Variants in SYNE1 observed in about 807,000 individuals in gnomAD.
SYNE1 encodes nesprin-1.
A neutral mutation model predicts 1,111.0 loss-of-function variants in SYNE1; 616 were observed. The observed-to-expected ratio is 0.55, with a 90% confidence interval of 0.52 to 0.59. SYNE1 has a LOEUF of 0.59. Among genes scored for constraint, SYNE1 ranks in the 20% least tolerant of loss-of-function variants. The pLI, the probability that SYNE1 is intolerant of heterozygous loss-of-function variation, is 0.00. For missense variants in SYNE1, 10,006 were observed against 10,417.0 expected (o/e 0.96, Z 1.72); for synonymous variants, 3,855 against 3,825.8 (o/e 1.01, Z -0.28).
rs2086615471 is a variant in SYNE1, at chr6:152,244,568, T to C, written c.19661A>G (p.Gln6554Arg). 1.2e-6 allele frequency: 2 copies of C among 1,614,032 alleles called. No homozygotes were observed. The highest frequency in any genetic ancestry group is 1.3e-5 in the African/African-American group (1 of 74,940). The change falls in exon 106 of 146, where the codon CAG becomes CGG. Residue 6554 changes from glutamine (Q) to arginine (R), a missense_variant. Gln to Arg is a conservative substitution (Grantham distance 43). Coordinates refer to ENST00000367255, the MANE Select transcript of SYNE1 (RefSeq NM_182961.4). ...KRRGDKLQVEQPSMQELSKLQ... is the reference protein window; with the variant it reads ...KRRGDKLQVERPSMQELSKLQ... ...CTTGGAGAGTTCTTGCATGGACGGC[T>C]GCTCGACCTGTAGCTTGTCACCACG...
In SYNE1 at chr6:152,373,022, G is replaced by T. The variant is rs1023644940; in HGVS notation, c.9507+15C>A. 1.9e-6 allele frequency: 3 copies of T among 1,612,246 alleles called. No individual in the cohort carries two copies. In the African/African-American group the frequency reaches 4.0e-5, roughly 22 times the overall value. ...AAATAACACAGAATGCTTCCATGTGGTTGGCTATATATACCTCTAGAGCAG... is the reference window on the plus strand; with the variant it reads ...AAATAACACAGAATGCTTCCATGTGTTTGGCTATATATACCTCTAGAGCAG... On this transcript the variant is annotated intron_variant, in intron 59 of 145. Transcript: ENST00000367255.
At chr6:152,345,804 G>C (rs141782928) in intron 73 of SYNE1, among the ~76,000 whole-genome samples, 84 of 152,222 alleles carry the variant, frequency 5.5e-4, no homozygotes, top group Non-Finnish European at 9.0e-4. Context: ...ATTTTAGTAA[G>C]TTTTTGTTAA....
chr6:152,564,890 A>G (rs1197333360), intron 3 of SYNE1, among the ~76,000 whole-genome samples: 1 of 152,216 alleles, frequency 6.6e-6, no homozygotes, highest in Non-Finnish European at 1.5e-5. Context: ...AGACAAAAAT[A>G]ATAATGAAAA....
intron 74 of SYNE1, among the ~76,000 whole-genome samples, chr6:152,340,039 A>T (rs560013433): frequency 6.6e-6 from 1 of 152,328 alleles, no homozygotes; most frequent in East Asian, 1.9e-4. Context: ...ATAATATATA[A>T]ATAAACAAAC....
chr6:152,331,043 G>A lies in SYNE1; in HGVS notation c.13642C>T (p.Gln4548Ter). The A allele has an allele frequency of 1.2e-6, 2 of 1,614,098 alleles. No homozygotes were observed. Among genetic ancestry groups the A allele is most frequent in the South Asian group, 1.1e-5 (1 of 91,072 alleles). The change falls in exon 78 of 146, where the codon CAA (glutamine) becomes TAA (stop). Residue 4548 changes from glutamine to a stop codon, truncating the protein, a stop_gained. Coordinates refer to ENST00000367255, the MANE Select transcript of SYNE1 (RefSeq NM_182961.4). LOFTEE classifies it high-confidence loss of function. The stretch of plus-strand genomic sequence containing the variant: ...TCTTGTAACCGGTGACTGCACTTTT[G>A]TAAAACACTGTCATAGACACTCTGC... ...ELQSVYDSVL[Q>*]KCSHRLQELE...
At chr6:152,214,680 C>T (rs1370612074) in intron 122 of SYNE1, among the ~76,000 whole-genome samples, 1 of 152,194 alleles carries the variant, frequency 6.6e-6, no homozygotes, top group Non-Finnish European at 1.5e-5. Flanking sequence ...GCAACTCTCC[C>T]CTCCTGAGGA....
intron 131 of SYNE1, among the ~76,000 whole-genome samples, chr6:152,161,626 A>G (rs1220262076): frequency 2.0e-5 from 3 of 149,848 alleles, no homozygotes; most frequent in African/African-American, 7.4e-5. Flanking sequence ...ATTTCCCTCT[A>G]TTTATTTTTT....
At chr6:152,631,243 G>A (rs2099697498) in intron 2 of SYNE1, among the ~76,000 whole-genome samples, 1 of 152,122 alleles carries the variant, frequency 6.6e-6, no homozygotes, top group Admixed American at 6.5e-5. Flanking sequence ...TAGTCACTCA[G>A]GTGAAACATA....
chr6:152,200,559 G>A (rs571153353), intron 127 of SYNE1, among the ~76,000 whole-genome samples: 11 of 152,194 alleles, frequency 7.2e-5, no homozygotes, highest in Admixed American at 6.5e-4. Context: ...CACCACTCTG[G>A]TTAATTTTTA....
At chr6:152,291,075 T>C (rs1055919182) in intron 95 of SYNE1, among the ~76,000 whole-genome samples, 1 of 146,936 alleles carries the variant, frequency 6.8e-6, no homozygotes, top group South Asian at 2.1e-4. Context: ...ATATGATATA[T>C]TAATATATAC....
chr6:152,594,626 G>A (rs1275349785), intron 3 of SYNE1, among the ~76,000 whole-genome samples: 2 of 152,098 alleles, frequency 1.3e-5, no homozygotes, highest in African/African-American at 4.8e-5. Flanking sequence ...CATATTTATC[G>A]TAAACTATCT....
At position 152,208,062 on chromosome 6, in the gene SYNE1, C is replaced by G. The variant is rs780634258; in HGVS notation, c.22734G>C (p.Trp7578Cys). Residue 7578 changes from tryptophan (W) to cysteine (C), a missense_variant, in exon 125 of 146, where the codon TGG becomes TGC. By Grantham distance (215) the Trp-to-Cys change is radical. This residue lies in a region of SYNE1 where 2,182 missense variants were observed against 2,287.8 expected (regional missense o/e 0.95). Coordinates refer to ENST00000367255, the MANE Select transcript of SYNE1 (RefSeq NM_182961.4). The stretch of plus-strand genomic sequence containing the variant: ...TGGGGAGGTAGGACACTTCAACCAA[C>G]CATTTACGAAGCTTTTCTGCCATCT... ...YREMAEKLRK[W>C]LVEVSYLPMS... is the part of the protein sequence containing the mutation. 1 of 1,614,144 alleles carries G rather than the reference C, an allele frequency of 6.2e-7. No individual in the cohort carries two copies. Among genetic ancestry groups the G allele is most frequent in the East Asian group, 2.2e-5 (1 of 44,866 alleles).
intron 64 of SYNE1, among the ~76,000 whole-genome samples, chr6:152,359,889 C>T (rs144474847): frequency 6.3e-4 from 95 of 151,792 alleles, no homozygotes; most frequent in Non-Finnish European, 1.9e-4. Context: ...ATTGTTCCAG[C>T]GTCCTCTCTA....
chr6:152,385,867 CA>C, intron 54 of SYNE1, 29 bp from the exon 55 acceptor site: 1 of 1,612,374 alleles, frequency 6.2e-7, no homozygotes, highest in Non-Finnish European at 8.5e-7. Context: ...ACTACCTTAA[CA>C]GTGGTCCTTT....
In SYNE1 at chr6:152,176,510, T is replaced by A. The variant is rs185030521; in HGVS notation, c.23511A>T (p.Gln7837His). Residue 7837 changes from glutamine (Q) to histidine (H), a missense_variant, in exon 130 of 146, where the codon CAA becomes CAT. By Grantham distance (24) the Gln-to-His change is conservative (BLOSUM62 0). This residue lies in a region of SYNE1 where 2,182 missense variants were observed against 2,287.8 expected (regional missense o/e 0.95). Transcript: ENST00000367255. The part of the protein sequence containing the change: ...AIAQENKIQL[Q>H]QMGERLAKAS... ...CTTTAGCAAGTCGTTCTCCCATTTG[T>A]TGGAGCTGTATTTTGTTCTCTTGAG... 3.1e-6 allele frequency: 5 copies of A among 1,614,198 alleles called. No individual in the cohort carries two copies. Among genetic ancestry groups the A allele is most frequent in the Non-Finnish European group, 4.2e-6 (5 of 1,180,020 alleles).
intron 3 of SYNE1, among the ~76,000 whole-genome samples, chr6:152,604,994 A>C (rs12191539): frequency 3.7e-5 from 1 of 26,952 alleles, no homozygotes; most frequent in East Asian, 1.2e-3. Context: ...GAAAGAAAGA[A>C]AGAAAGAAAG....
intron 97 of SYNE1, among the ~76,000 whole-genome samples, chr6:152,281,174 G>A (rs570266791): frequency 1.2e-4 from 18 of 152,278 alleles, no homozygotes; most frequent in African/African-American, 3.9e-4. Flanking sequence ...TTGATGACAA[G>A]CATATGGGAC....
chr6:152,502,107 T>C (rs1161790946), intron 10 of SYNE1, among the ~76,000 whole-genome samples: 4 of 152,172 alleles, frequency 2.6e-5, no homozygotes, highest in Non-Finnish European at 4.4e-5. Context: ...AATTAACATA[T>C]GTAATTTGAG....
rs9383608 is a variant in SYNE1 at position 152,137,460 on chromosome 6, T to C, written c.25459-642A>G. Among the ~76,000 whole-genome samples, 202 of 152,218 alleles carry C rather than the reference T, an allele frequency of 1.3e-3. 2 individuals carry two copies. The East Asian group carries it at 0.029, about 22-fold the overall frequency. On this transcript the variant is annotated intron_variant, in intron 140 of 145. Transcript: ENST00000367255. ...GAGAATACTGCCTGTGCCACACTGA[T>C]GTGAAGGTAGAGAGAATGAATTGGG...
Sources: allele counts gnomAD v4.1 joint callset (sites outside exome capture counted in the v4.1 genomes callset), GRCh38; gene constraint gnomAD v4.1.1; regional missense constraint gnomAD v4.1.1; transcripts MANE v1.5; gene names NCBI Gene and HGNC (gene_info 2026-07-23, HGNC 2026-07-21).